The following EFHC2 variants were observed in gnomAD, a reference collection of about 807,000 sequenced individuals.
The protein encoded by EFHC2 is EF-hand domain containing 2, also known as EF-hand domain-containing family member C2.
Under a neutral mutation model 52.7 loss-of-function variants are expected in EFHC2, and 18 were observed. That is an observed-to-expected ratio of 0.34 (90% CI 0.24 to 0.51). EFHC2 has a LOEUF of 0.51. EFHC2 is among the 20% of genes least tolerant of loss of function. The pLI, the probability that EFHC2 is intolerant of heterozygous loss-of-function variation, is 0.97. For missense variants in EFHC2, 513 were observed against 562.5 expected (o/e 0.91, Z 0.89); for synonymous variants, 203 against 204.1 (o/e 0.99, Z 0.04).
intron 11 of EFHC2, among the ~76,000 whole-genome samples, chrX:44,206,660 T>C (rs1307085231): frequency 9.0e-6 from 1 of 111,595 alleles, no homozygotes; most frequent in Non-Finnish European, 1.9e-5. Flanking sequence ...AAGGGTGAGA[T>C]ACCCCTACAA....
chrX:44,190,617 T>C (rs1322318097), intron 11 of EFHC2, among the ~76,000 whole-genome samples: 1 of 111,407 alleles, frequency 9.0e-6, no homozygotes, highest in Non-Finnish European at 1.9e-5. Context: ...TGATTGCTTC[T>C]TGTCTTTTGC....
At chrX:44,307,824 C>T (rs2037916827) in intron 2 of EFHC2, among the ~76,000 whole-genome samples, 3 of 110,271 alleles carry the variant, frequency 2.7e-5, no homozygotes, top group Non-Finnish European at 5.7e-5. Context: ...GTCCCAGCTA[C>T]TCGGGAGGCT....
rs1289432801 is a variant in EFHC2 at position 44,287,421 on chromosome X, A to G, written c.232-14585T>C. 2.7e-5 allele frequency among the ~76,000 whole-genome samples: 3 copies of G among 111,802 alleles called. No individual in the cohort carries two copies. In the Admixed American group the frequency reaches 2.9e-4, roughly 11 times the overall value. On this transcript the variant is annotated intron_variant, in intron 2 of 14. Transcript: ENST00000420999. ...AACATGCAGGAGAGAACCTTGTTGC[A>G]ATTCACCTTTATTTCTTTAGGAAGG...
At chrX:44,295,406 G>A (rs1377363606) in intron 2 of EFHC2, among the ~76,000 whole-genome samples, 5 of 111,386 alleles carry the variant, frequency 4.5e-5, no homozygotes, top group East Asian at 2.8e-4. Context: ...AGGAGTGTTC[G>A]GTATGTGGGG....
chrX:44,269,149 G>T (rs1299703253), intron 3 of EFHC2, among the ~76,000 whole-genome samples: 3 of 111,062 alleles, frequency 2.7e-5, no homozygotes, highest in Non-Finnish European at 1.9e-5. Flanking sequence ...GCCTGGTCAT[G>T]ATCTGGGCAC....
At chrX:44,153,622 G>A (rs1424756753) in intron 14 of EFHC2, among the ~76,000 whole-genome samples, 1 of 111,350 alleles carries the variant, frequency 9.0e-6, no homozygotes, top group African/African-American at 3.3e-5. Context: ...GGTTTCCAAG[G>A]CTCAGGGGAT....
rs759032946 is a variant in EFHC2, at chrX:44,246,644, G to A, written c.1111+1628C>T. 4.5e-5 allele frequency among the ~76,000 whole-genome samples: 5 copies of A among 111,113 alleles called. No homozygotes were observed. The South Asian group carries it at 1.2e-3, about 26-fold the overall frequency. On this transcript the variant is annotated intron_variant, in intron 7 of 14. Transcript: ENST00000420999. ...CTGATACATTTACCCAGGATGGCTC[G>A]ATTTGGAGCACACCAGGGAATTCAC... is the stretch of plus-strand genomic sequence containing the variant.
intron 2 of EFHC2, chrX:44,284,988 T>C (rs936433628): frequency 8.9e-6 from 1 of 111,951 alleles, no homozygotes; most frequent in African/African-American, 3.2e-5. Flanking sequence ...CTTCCTGTAG[T>C]GTCAGAGCCT....
chrX:44,328,361 T>C (rs1398216317), intron 1 of EFHC2, among the ~76,000 whole-genome samples: 2 of 111,726 alleles, frequency 1.8e-5, no homozygotes, highest in African/African-American at 3.3e-5. Flanking sequence ...CTTGGGATAA[T>C]GGGCAAGATT....
chrX:44,256,839 C>CAAG (rs1189532721), intron 4 of EFHC2, among the ~76,000 whole-genome samples: 35 of 110,530 alleles, frequency 3.2e-4, no homozygotes, highest in African/African-American at 1.1e-3. Flanking sequence ...ACAACAACAA[C>CAAG]AACACAAAAA....
chrX:44,181,832 G>A (rs1012240066), intron 11 of EFHC2, among the ~76,000 whole-genome samples: 1 of 112,491 alleles, frequency 8.9e-6, no homozygotes, highest in African/African-American at 3.2e-5. Context: ...ACTCTGCCCC[G>A]CATTTGCCAC....
At chrX:44,253,551 T>C (rs1432064289) in intron 4 of EFHC2, among the ~76,000 whole-genome samples, 3 of 111,753 alleles carry the variant, frequency 2.7e-5, no homozygotes, top group African/African-American at 9.8e-5. Flanking sequence ...GCAATGATTT[T>C]GTAGCCAGAC....
chrX:44,321,633 TACCTAAAGAAAGCATTTGA>T (rs2038021493), intron 1 of EFHC2, among the ~76,000 whole-genome samples: 1 of 111,415 alleles, frequency 9.0e-6, no homozygotes, highest in South Asian at 3.7e-4. Flanking sequence ...TCATGGAAAC[TACCTAAAGAAAGCATTTGA>T]AGGAACACGT....
At chrX:44,321,708 C>A (rs1268508086) in intron 1 of EFHC2, among the ~76,000 whole-genome samples, 1 of 111,440 alleles carries the variant, frequency 9.0e-6, no homozygotes, top group Non-Finnish European at 1.9e-5. Flanking sequence ...GAAGACGAGG[C>A]TTGAGACTTG....
intron 4 of EFHC2, among the ~76,000 whole-genome samples, chrX:44,250,825 GAAAAA>G (rs752731813): frequency 2.1e-5 from 1 of 46,982 alleles, no homozygotes. Context: ...ACTCCATTTC[GAAAAA>G]AAAAAAAAAA....
intron 3 of EFHC2, among the ~76,000 whole-genome samples, chrX:44,265,570 A>G (rs1389895681): frequency 2.7e-5 from 3 of 111,845 alleles, no homozygotes; most frequent in African/African-American, 9.8e-5. Flanking sequence ...CACCTGGGTC[A>G]CCTCTATTTT....
At chrX:44,331,931 A>T (rs370103173) in intron 1 of EFHC2, among the ~76,000 whole-genome samples, 21 of 110,539 alleles carry the variant, frequency 1.9e-4, no homozygotes, top group African/African-American at 6.9e-4. Context: ...CTTACAAACA[A>T]AAAGAAAAGA....
At chrX:44,278,822 T>C (rs1200729435) in intron 2 of EFHC2, among the ~76,000 whole-genome samples, 3 of 112,317 alleles carry the variant, frequency 2.7e-5, no homozygotes, top group Non-Finnish European at 3.8e-5. Flanking sequence ...TCCATAAAAA[T>C]AGTTTTTCCT....
intron 6 of EFHC2, 111 bp from the exon 7 acceptor site, chrX:44,248,521 C>T: frequency 3.3e-6 from 3 of 913,779 alleles, no homozygotes; most frequent in Non-Finnish European, 4.5e-6. Flanking sequence ...TCTTTAATAA[C>T]TAAATTTTAA....
Sources: gnomAD v4.1 joint callset for allele counts (sites outside exome capture counted in the v4.1 genomes callset) on GRCh38, gnomAD v4.1.1 for gene constraint, MANE v1.5 for transcripts, NCBI Gene and HGNC (gene_info 2026-07-23, HGNC 2026-07-21) for gene names.